The following ATP9A variants were observed in gnomAD, a reference collection of about 807,000 sequenced individuals.
The protein encoded by ATP9A is ATPase phospholipid transporting 9A, also known as probable phospholipid-transporting ATPase IIA.
A neutral mutation model predicts 144.1 loss-of-function variants in ATP9A; 52 were observed. The observed-to-expected ratio is 0.36, with a 90% CI of 0.29 to 0.45. The LOEUF is 0.45. Ranked by LOEUF, ATP9A falls within the 20% of genes least tolerant of loss-of-function variation. The probability of loss-of-function intolerance (pLI) is 1.00; values close to 1 mark genes in which losing one functional copy is unlikely to be tolerated. For synonymous variants in ATP9A, 582 were observed against 557.4 expected (o/e 1.04, Z -0.62); for missense variants, 947 against 1,392.7 (o/e 0.68, Z 5.09).
At chr20:51,690,109 CAAAAAAAAAAAA>C (rs796336088) in intron 8 of ATP9A, among the ~76,000 whole-genome samples, 19 of 59,932 alleles carry the variant, frequency 3.2e-4, no homozygotes, top group Admixed American at 5.5e-4. Context: ...GAGACCGTCT[CAAAAAAAAAAAA>C]AAAAAAAAAA....
chr20:51,609,403 C>T (rs1199904796), intron 24 of ATP9A, among the ~76,000 whole-genome samples: 3 of 152,174 alleles, frequency 2.0e-5, no homozygotes. Flanking sequence ...GCGCAGCTGA[C>T]CTTCCCGCAC....
At chr20:51,631,052 A>G (rs1017095964) in intron 15 of ATP9A, among the ~76,000 whole-genome samples, 4 of 152,142 alleles carry the variant, frequency 2.6e-5, no homozygotes, top group African/African-American at 7.2e-5. Context: ...GTTTCCCCCA[A>G]TAAAACACCC....
chr20:51,764,622 G>A (rs1191775357), intron 1 of ATP9A, among the ~76,000 whole-genome samples: 3 of 152,066 alleles, frequency 2.0e-5, no homozygotes, highest in African/African-American at 7.2e-5. Flanking sequence ...GAACCATTAG[G>A]TGAAATGGGT....
At chr20:51,663,288 G>A (rs2077418560) in intron 13 of ATP9A, among the ~76,000 whole-genome samples, 2 of 152,166 alleles carry the variant, frequency 1.3e-5, no homozygotes, top group African/African-American at 2.4e-5. Flanking sequence ...CACAAAGGCA[G>A]AGCATTTGGC....
chr20:51,631,775 G>A (rs533436616), intron 15 of ATP9A, among the ~76,000 whole-genome samples: 19 of 152,328 alleles, frequency 1.2e-4, no homozygotes, highest in African/African-American at 3.8e-4. Context: ...GTGGCTCCAC[G>A]TGGGAAGGGG....
intron 14 of ATP9A, among the ~76,000 whole-genome samples, chr20:51,641,831 C>A (rs868179910): frequency 3.4e-4 from 27 of 79,658 alleles, no homozygotes; most frequent in South Asian, 1.3e-3. Flanking sequence ...AACTCCATCT[C>A]AAAAAAAAAA....
intron 13 of ATP9A, among the ~76,000 whole-genome samples, chr20:51,660,990 G>C (rs1421316453): frequency 1.3e-5 from 2 of 152,212 alleles, no homozygotes; most frequent in African/African-American, 4.8e-5. Flanking sequence ...CACGAGGTCA[G>C]AAGTGACTTC....
At position 51,759,327 on chromosome 20, in the gene ATP9A, A is replaced by G. The variant is rs114172622; in HGVS notation, c.68+8975T>C. On this transcript the variant is annotated intron_variant, in intron 1 of 27. Transcript: ENST00000338821. Reference sequence around the variant, plus strand: ...ATCCCCTCCCTCAAAACATACCCCTATATGCTTGGTATCTAATACTCCCTC... The same window carrying G: ...ATCCCCTCCCTCAAAACATACCCCTGTATGCTTGGTATCTAATACTCCCTC... Among the ~76,000 whole-genome samples the G allele has an allele frequency of 3.7e-3, 566 of 152,312 alleles. 4 individuals are homozygous for G. Among genetic ancestry groups the G allele is most frequent in the African/African-American group, 0.012 (489 of 41,570 alleles).
intron 14 of ATP9A, among the ~76,000 whole-genome samples, chr20:51,640,911 C>T (rs574813816): frequency 1.1e-3 from 170 of 152,228 alleles, no homozygotes; most frequent in African/African-American, 3.9e-3. Flanking sequence ...GACTTCTCCC[C>T]GAGACGGCCT....
chr20:51,751,945 C>T (rs2077834019), intron 1 of ATP9A, among the ~76,000 whole-genome samples: 1 of 152,100 alleles, frequency 6.6e-6, no homozygotes, highest in Non-Finnish European at 1.5e-5. Flanking sequence ...TACTGAGCAC[C>T]TACTAGGTGC....
rs1319198392 is a variant in ATP9A at position 51,752,421 on chromosome 20, G to A, written c.68+15881C>T. Among the ~76,000 whole-genome samples, 4 of 152,212 alleles carry A rather than the reference G, an allele frequency of 2.6e-5. No homozygotes were observed. The South Asian group carries it at 8.3e-4, about 32-fold the overall frequency. On this transcript the variant is annotated intron_variant, in intron 1 of 27. Transcript: ENST00000338821. ...ACACTGTCAGGGATTTCTCTCGCAC[G>A]TGTTGACCACTATATCCCTAATATT...
intron 5 of ATP9A, among the ~76,000 whole-genome samples, chr20:51,696,625 G>A (rs1221684304): frequency 6.6e-6 from 1 of 152,174 alleles, no homozygotes; most frequent in Non-Finnish European, 1.5e-5. Context: ...GGGGGGTGTG[G>A]GGAGCCAGTA....
intron 13 of ATP9A, among the ~76,000 whole-genome samples, chr20:51,658,895 G>GGGGGGGT (rs2077399625): frequency 3.4e-5 from 4 of 117,600 alleles, no homozygotes; most frequent in African/African-American, 1.4e-4. Context: ...TGGCGGGGGG[G>GGGGGGGT]GGGGGGGGAA....
chr20:51,646,375 C>A (rs1018540140), intron 14 of ATP9A, among the ~76,000 whole-genome samples: 3 of 152,168 alleles, frequency 2.0e-5, no homozygotes, highest in Non-Finnish European at 4.4e-5. Flanking sequence ...AATGTGACAT[C>A]TGATAAAAGG....
chr20:51,712,580 C>G (rs2077644298), intron 4 of ATP9A, among the ~76,000 whole-genome samples: 1 of 152,186 alleles, frequency 6.6e-6, no homozygotes, highest in Non-Finnish European at 1.5e-5. Flanking sequence ...TAATCACTGC[C>G]AAAAGAGTAT....
chr20:51,604,225 C>T (rs2077154350), intron 27 of ATP9A, among the ~76,000 whole-genome samples: 3 of 152,220 alleles, frequency 2.0e-5, no homozygotes, highest in African/African-American at 4.8e-5. Context: ...AGAAGGGCAG[C>T]TCCCTGGCGA....
chr20:51,712,452 C>G (rs572134506), intron 4 of ATP9A, among the ~76,000 whole-genome samples: 2 of 152,192 alleles, frequency 1.3e-5, no homozygotes, highest in African/African-American at 4.8e-5. Context: ...TTGGATCAGA[C>G]TCCATGCTCT....
In ATP9A at chr20:51,736,492, A is replaced by T. The variant is rs868498211; in HGVS notation, c.69-6514T>A. On this transcript the variant is annotated intron_variant, in intron 1 of 27. Coordinates refer to ENST00000338821, the MANE Select transcript of ATP9A (RefSeq NM_006045.3). ...ATGTTCTCACATTGTAGTTACTCTT[A>T]TTTTTTTTTTTGTCTTTTGTTTTTG... 9.3e-4 allele frequency among the ~76,000 whole-genome samples: 134 copies of T among 143,622 alleles called. 1 individual carries two copies. Among genetic ancestry groups the T allele is most frequent in the African/African-American group, 2.3e-3 (91 of 38,792 alleles). The allele number at this position is 143,622 out of a possible 152,430, so 94.2% of individuals were successfully genotyped here.
chr20:51,683,833 A>G (rs912917234), intron 9 of ATP9A, among the ~76,000 whole-genome samples: 2 of 152,320 alleles, frequency 1.3e-5, no homozygotes, highest in African/African-American at 4.8e-5. Flanking sequence ...CTTGCCTGTT[A>G]GTTCTCCTAA....
Sources: gnomAD v4.1 joint callset for allele counts (sites outside exome capture counted in the v4.1 genomes callset) on GRCh38, gnomAD v4.1.1 for gene constraint, MANE v1.5 for transcripts, NCBI Gene and HGNC (gene_info 2026-07-23, HGNC 2026-07-21) for gene names.